Variants in KCNMA1 observed in about 807,000 individuals in gnomAD.
KCNMA1 encodes the protein potassium calcium-activated channel subfamily M alpha 1.
A neutral mutation model predicts 140.0 loss-of-function variants in KCNMA1; 29 were observed. The ratio of observed to expected loss-of-function variants is 0.21; its 90% CI spans 0.15 to 0.28. The LOEUF is 0.28. Among genes scored for constraint, KCNMA1 ranks in the 10% least tolerant of loss-of-function variants. The probability of loss-of-function intolerance (pLI) is 1.00; values close to 1 mark genes in which losing one functional copy is unlikely to be tolerated. For missense variants in KCNMA1, 880 were observed against 1,602.2 expected (o/e 0.55, Z 7.70); for synonymous variants, 612 against 611.9 (o/e 1.00, Z 0.00).
intron 14 of KCNMA1, among the ~76,000 whole-genome samples, chr10:77,055,758 T>C (rs1032332726): frequency 1.3e-5 from 2 of 152,092 alleles, no homozygotes; most frequent in Non-Finnish European, 2.9e-5. Flanking sequence ...GAAAGCCAGA[T>C]AACTAAAGCC....
intron 18 of KCNMA1, among the ~76,000 whole-genome samples, chr10:77,002,401 C>T (rs1030465079): frequency 3.3e-5 from 5 of 152,186 alleles, no homozygotes; most frequent in Non-Finnish European, 7.3e-5. Flanking sequence ...ATCTGAAAAT[C>T]GCATCTGCCT....
intron 2 of KCNMA1, among the ~76,000 whole-genome samples, chr10:77,325,676 C>T (rs1372316638): frequency 6.6e-6 from 1 of 152,158 alleles, no homozygotes; most frequent in Admixed American, 6.5e-5. Context: ...CTCATGATCG[C>T]TTCTTTCTGC....
At chr10:77,291,536 G>A (rs939068033) in intron 2 of KCNMA1, among the ~76,000 whole-genome samples, 1 of 152,284 alleles carries the variant, frequency 6.6e-6, no homozygotes, top group Non-Finnish European at 1.5e-5. Context: ...GAAAATCCAT[G>A]ATTACTCCTT....
intron 14 of KCNMA1, 127 bp from the exon 15 acceptor site, chr10:77,039,764 C>G: frequency 2.8e-6 from 2 of 703,454 alleles, no homozygotes; most frequent in East Asian, 5.4e-5. Context: ...TTTCAGCAAT[C>G]AGGAACACGG....
chr10:77,244,910 A>G (rs1027056189), intron 3 of KCNMA1, among the ~76,000 whole-genome samples: 1 of 152,028 alleles, frequency 6.6e-6, no homozygotes, highest in Non-Finnish European at 1.5e-5. Flanking sequence ...CTGACATTCC[A>G]TTCTTTCAAC....
chr10:77,320,655 G>A (rs574389932), intron 2 of KCNMA1, among the ~76,000 whole-genome samples: 1 of 152,092 alleles, frequency 6.6e-6, no homozygotes, highest in Non-Finnish European at 1.5e-5. Flanking sequence ...CTTCCTCGTT[G>A]TTACCTGCCA....
At chr10:77,100,601 G>A (rs1443257424) in intron 9 of KCNMA1, among the ~76,000 whole-genome samples, 4 of 152,166 alleles carry the variant, frequency 2.6e-5, no homozygotes, top group African/African-American at 4.8e-5. Context: ...AAGTTTCCTG[G>A]TTTAGTTTCA....
chr10:77,173,872 G>A (rs1402158077), intron 5 of KCNMA1, among the ~76,000 whole-genome samples: 1 of 152,074 alleles, frequency 6.6e-6, no homozygotes, highest in African/African-American at 2.4e-5. Context: ...CCTTGGGGGA[G>A]GGGTGCTTTT....
At chr10:76,994,537 A>C (rs2083645622) in intron 19 of KCNMA1, among the ~76,000 whole-genome samples, 1 of 152,234 alleles carries the variant, frequency 6.6e-6, no homozygotes, top group South Asian at 2.1e-4. Flanking sequence ...TACACAGAAT[A>C]TAGATCTCTT....
intron 14 of KCNMA1, among the ~76,000 whole-genome samples, chr10:77,040,938 C>A (rs2094631913): frequency 6.6e-6 from 1 of 152,132 alleles, no homozygotes; most frequent in South Asian, 2.1e-4. Context: ...CCCAGCAACC[C>A]TCTTCATGCT....
chr10:77,326,172 CT>C (rs1173944778), intron 2 of KCNMA1, among the ~76,000 whole-genome samples: 1 of 152,210 alleles, frequency 6.6e-6, no homozygotes, highest in Non-Finnish European at 1.5e-5. Flanking sequence ...ACTTCCCTCA[CT>C]GCAAAAATCC....
chr10:77,233,235 TC>T (rs1167221881), intron 3 of KCNMA1, among the ~76,000 whole-genome samples: 1 of 152,182 alleles, frequency 6.6e-6, no homozygotes, highest in African/African-American at 2.4e-5. Context: ...GATCTATATG[TC>T]CAGAATGACT....
chr10:76,984,231 G>C (rs771532290), intron 19 of KCNMA1, among the ~76,000 whole-genome samples: 7 of 150,592 alleles, frequency 4.6e-5, no homozygotes, highest in Non-Finnish European at 8.8e-5. Context: ...GTCTCGCTCT[G>C]TCACCCAGGC....
At chr10:77,204,409 A>C (rs1454924873) in intron 3 of KCNMA1, among the ~76,000 whole-genome samples, 1 of 152,192 alleles carries the variant, frequency 6.6e-6, no homozygotes, top group African/African-American at 2.4e-5. Context: ...GAGGGCATTC[A>C]ATTTCTGTGT....
intron 1 of KCNMA1, among the ~76,000 whole-genome samples, chr10:77,486,053 C>T (rs543479922): frequency 5.3e-5 from 8 of 152,252 alleles, no homozygotes; most frequent in African/African-American, 1.9e-4. Flanking sequence ...TCCCTGCTCA[C>T]TAGGGTGTTG....
chr10:77,314,854 G>A (rs1487219499), intron 2 of KCNMA1, among the ~76,000 whole-genome samples: 1 of 151,342 alleles, frequency 6.6e-6, no homozygotes, highest in African/African-American at 2.4e-5. Context: ...TTTTTCAAAT[G>A]TTTTTGACCA....
chr10:77,524,475 A>C (rs1464377689), intron 1 of KCNMA1, among the ~76,000 whole-genome samples: 1 of 152,218 alleles, frequency 6.6e-6, no homozygotes, highest in African/African-American at 2.4e-5. Context: ...AATAATAAGA[A>C]GAAGAATATT....
At chr10:77,243,708 A>T (rs1039369174) in intron 3 of KCNMA1, among the ~76,000 whole-genome samples, 1 of 152,234 alleles carries the variant, frequency 6.6e-6, no homozygotes, top group African/African-American at 2.4e-5. Context: ...TATGCATAAC[A>T]AATTCCAAAC....
intron 3 of KCNMA1, among the ~76,000 whole-genome samples, chr10:77,188,982 C>G (rs996261168): frequency 3.9e-5 from 6 of 152,112 alleles, no homozygotes; most frequent in African/African-American, 1.4e-4. Flanking sequence ...TTTCCCACCT[C>G]CCTGAGTCTG....
Sources: gnomAD v4.1 joint callset for allele counts (sites outside exome capture counted in the v4.1 genomes callset) on GRCh38, gnomAD v4.1.1 for gene constraint, MANE v1.5 for transcripts, NCBI Gene and HGNC (gene_info 2026-07-23, HGNC 2026-07-21) for gene names.